PLEKHA7: variants seen among roughly 807,000 people sequenced by gnomAD.
PLEKHA7 encodes the protein pleckstrin homology domain-containing family A member 7.
In PLEKHA7, 104 loss-of-function variants were observed where a neutral mutation model predicts 170.0. That is an observed-to-expected ratio of 0.61 (90% CI 0.52 to 0.72). The LOEUF (loss-of-function observed/expected upper bound fraction) is 0.72, where lower values mean the gene tolerates loss of function less well. Among genes scored for constraint, PLEKHA7 ranks in the 30% least tolerant of loss-of-function variants. The pLI is 0.00. For synonymous variants in PLEKHA7, 648 were observed against 660.8 expected, an observed-to-expected ratio of 0.98 and a Z score of 0.30; for missense variants, 1,615 against 1,671.7, an observed-to-expected ratio of 0.97 and a Z score of 0.59.
At chr11:16,944,813 A>C (rs1420401849) in intron 3 of PLEKHA7, among the ~76,000 whole-genome samples, 1 of 152,246 alleles carries the variant, frequency 6.6e-6, no homozygotes, top group Non-Finnish European at 1.5e-5. Flanking sequence ...TTAATAACCA[A>C]TATTTATTAA....
intron 24 of PLEKHA7, among the ~76,000 whole-genome samples, chr11:16,785,952 C>T (rs994133315): frequency 1.9e-4 from 29 of 152,226 alleles, no homozygotes; most frequent in African/African-American, 7.0e-4. Flanking sequence ...TGTGCAGTTA[C>T]TTAATCCTCT....
intron 8 of PLEKHA7, among the ~76,000 whole-genome samples, chr11:16,848,573 G>C (rs1027989898): frequency 6.6e-6 from 1 of 152,352 alleles, no homozygotes; most frequent in East Asian, 1.9e-4. Context: ...CTGCATAATG[G>C]ATCTGGTGGC....
At chr11:16,874,419 A>T (rs1417917065) in intron 3 of PLEKHA7, among the ~76,000 whole-genome samples, 3 of 152,010 alleles carry the variant, frequency 2.0e-5, no homozygotes, top group Non-Finnish European at 4.4e-5. Flanking sequence ...AGTTGGGAGG[A>T]TCACCCGAGC....
chr11:16,986,154 A>G (rs1863712443), intron 3 of PLEKHA7, among the ~76,000 whole-genome samples: 1 of 152,220 alleles, frequency 6.6e-6, no homozygotes, highest in Non-Finnish European at 1.5e-5. Context: ...ACACAGACAC[A>G]GGAAGAGAAG....
intron 3 of PLEKHA7, among the ~76,000 whole-genome samples, chr11:16,915,048 C>G (rs1481361922): frequency 6.6e-6 from 1 of 152,212 alleles, no homozygotes; most frequent in Non-Finnish European, 1.5e-5. Context: ...CCACTACCCA[C>G]AGATGCAAAT....
chr11:16,979,212 T>C (rs938144741), intron 3 of PLEKHA7, among the ~76,000 whole-genome samples: 5 of 152,206 alleles, frequency 3.3e-5, no homozygotes, highest in African/African-American at 9.7e-5. Flanking sequence ...GTATTTTTAG[T>C]AGAGACGGGA....
intron 8 of PLEKHA7, among the ~76,000 whole-genome samples, chr11:16,848,624 T>C (rs1045939802): frequency 6.6e-6 from 1 of 152,228 alleles, no homozygotes; most frequent in Admixed American, 6.5e-5. Flanking sequence ...GTGATGAGCA[T>C]AAATGATATT....
At chr11:16,805,166 C>A (rs1202022260) in intron 13 of PLEKHA7, among the ~76,000 whole-genome samples, 2 of 152,130 alleles carry the variant, frequency 1.3e-5, no homozygotes, top group Non-Finnish European at 1.5e-5. Context: ...GGGATTCTTT[C>A]CCCCAGCAAA....
chr11:16,822,120 G>A (rs767688056), intron 10 of PLEKHA7, among the ~76,000 whole-genome samples: 10 of 152,112 alleles, frequency 6.6e-5, no homozygotes, highest in Admixed American at 3.3e-4. Context: ...AATTCAGGCC[G>A]TTGTGTGTAG....
intron 26 of PLEKHA7, among the ~76,000 whole-genome samples, chr11:16,779,928 C>T (rs1021958704): frequency 1.3e-5 from 2 of 148,916 alleles, no homozygotes; most frequent in Non-Finnish European, 2.9e-5. Flanking sequence ...CGATTCCTTG[C>T]GCATATCCCT....
chr11:16,796,454 C>A (rs1807547606), intron 17 of PLEKHA7, among the ~76,000 whole-genome samples: 1 of 152,062 alleles, frequency 6.6e-6, no homozygotes, highest in South Asian at 2.1e-4. Context: ...AATGTCCAGA[C>A]TAGTCAAATC....
At chr11:16,892,456 TTTG>T (rs761609126) in intron 3 of PLEKHA7, among the ~76,000 whole-genome samples, 54 of 94,644 alleles carry the variant, frequency 5.7e-4, no homozygotes, top group African/African-American at 6.6e-4. Flanking sequence ...TTTGTTTTGT[TTTG>T]TTTTGAGATA....
intron 3 of PLEKHA7, among the ~76,000 whole-genome samples, chr11:16,954,310 G>A (rs546151970): frequency 3.3e-4 from 50 of 152,210 alleles, no homozygotes; most frequent in African/African-American, 1.2e-3. Flanking sequence ...GAGGCCAAGA[G>A]TTCAAGACCA....
chr11:16,839,424 A>G (rs1459860325), intron 9 of PLEKHA7, among the ~76,000 whole-genome samples: 1 of 149,472 alleles, frequency 6.7e-6, no homozygotes, highest in Non-Finnish European at 1.5e-5. Flanking sequence ...AGTTAAATAT[A>G]CATTTAATAT....
intron 8 of PLEKHA7, among the ~76,000 whole-genome samples, chr11:16,848,952 C>A (rs1417161069): frequency 6.6e-6 from 1 of 152,142 alleles, no homozygotes; most frequent in African/African-American, 2.4e-5. Context: ...TGAGCTGCCC[C>A]CAGAGCCTAC....
At chr11:16,851,390 C>T in intron 7 of PLEKHA7, 99 bp from the exon 8 acceptor site, 2 of 703,128 alleles carry the variant, frequency 2.8e-6, no homozygotes, top group East Asian at 2.9e-5. Flanking sequence ...GTTTCCTCCC[C>T]TTGTAATGTC....
chr11:16,956,098 G>A (rs1264046710), intron 3 of PLEKHA7, among the ~76,000 whole-genome samples: 5 of 152,212 alleles, frequency 3.3e-5, no homozygotes, highest in Non-Finnish European at 7.4e-5. Context: ...ACTTTCCACA[G>A]GGACCAGGCA....
At position 16,795,851 on chromosome 11, in the gene PLEKHA7, C is replaced by CGTT. The variant is rs1848190328; in HGVS notation, c.2410-834_2410-833insAAC. ...CTACGTATTTTACCACAGTTTTTTC[C>CGTT]TTTTTTTTTTTTTTTTTTTTTGAGA... On this transcript the variant is annotated intron_variant, in intron 17 of 26. Coordinates refer to ENST00000531066, the MANE Select transcript of PLEKHA7 (RefSeq NM_001329630.2). Among the ~76,000 whole-genome samples, 10 of 93,080 alleles carry CGTT rather than the reference C, an allele frequency of 1.1e-4. No homozygotes were observed. In the South Asian group the frequency reaches 4.5e-3, roughly 42 times the overall value. The allele number at this position is 93,080 out of a possible 152,430, so 61.1% of individuals were successfully genotyped here.
At chr11:16,816,121 G>A (rs2134691379) in intron 12 of PLEKHA7, 57 bp downstream of exon 12, 10 of 1,425,146 alleles carry the variant, frequency 7.0e-6, no homozygotes, top group Non-Finnish European at 9.9e-6. Context: ...TAACTCAGAG[G>A]AAGGAAAATG....
Sources: gnomAD v4.1 joint callset for allele counts (sites outside exome capture counted in the v4.1 genomes callset) on GRCh38, gnomAD v4.1.1 for gene constraint, MANE v1.5 for transcripts, NCBI Gene and HGNC (gene_info 2026-07-23, HGNC 2026-07-21) for gene names.